POU3F3: variants seen among roughly 807,000 people sequenced by gnomAD.
POU3F3 encodes POU class 3 homeobox 3, also known as POU domain, class 3, transcription factor 3.
In POU3F3, 1 loss-of-function variant was observed where a neutral mutation model predicts 8.6. The observed-to-expected ratio is 0.12, with a 90% confidence interval of 0.04 to 0.55. The LOEUF is 0.55. Among genes scored for constraint, POU3F3 ranks in the 20% least tolerant of loss-of-function variants. The pLI, the probability that POU3F3 is intolerant of heterozygous loss-of-function variation, is 0.91. For missense variants in POU3F3, 577 were observed against 690.7 expected (o/e 0.84, Z 1.84); for synonymous variants, 418 against 327.4 (o/e 1.28, Z -2.99).
chr2:104,900,672 G>A, the POU3F3 span, among the ~76,000 whole-genome samples: 1 of 152,114 alleles, frequency 6.6e-6, no homozygotes, highest in South Asian at 2.1e-4. Context: ...ACATGTCAGG[G>A]GCACATATTA....
the POU3F3 span, among the ~76,000 whole-genome samples, chr2:104,881,035 C>G: frequency 6.6e-6 from 1 of 152,018 alleles, no homozygotes; most frequent in African/African-American, 2.4e-5. Flanking sequence ...GATTTTAGAC[C>G]CTTAGAGGGA....
chr2:104,927,542 C>A, the POU3F3 span, among the ~76,000 whole-genome samples: 2 of 151,948 alleles, frequency 1.3e-5, no homozygotes, highest in African/African-American at 4.8e-5. Flanking sequence ...ATTGCTTGAG[C>A]CAAAGAGTTC....
the POU3F3 span, among the ~76,000 whole-genome samples, chr2:104,877,049 T>TACACAC: frequency 4.6e-4 from 69 of 150,566 alleles, no homozygotes; most frequent in African/African-American, 5.1e-4. Flanking sequence ...GACTGTGGTA[T>TACACAC]ACACACACAC....
At chr2:104,853,426 T>C (rs566189749), upstream of POU3F3, 1 of 152,148 alleles carries the variant, frequency 6.6e-6, no homozygotes, top group African/African-American at 2.4e-5. Context: ...AAAGTTGCGG[T>C]GGCGGATTTC....
At chr2:104,879,430 T>C in the POU3F3 span, among the ~76,000 whole-genome samples, 2 of 152,056 alleles carry the variant, frequency 1.3e-5, no homozygotes, top group African/African-American at 2.4e-5. Flanking sequence ...GGAAGAAAGT[T>C]GGTTTTTTAT....
At chr2:104,919,920 T>C in the POU3F3 span, among the ~76,000 whole-genome samples, 2 of 152,174 alleles carry the variant, frequency 1.3e-5, no homozygotes, top group Non-Finnish European at 2.9e-5. Context: ...GGACTTTGGA[T>C]CACAAACTTA....
the POU3F3 span, among the ~76,000 whole-genome samples, chr2:104,915,859 G>A: frequency 0.017 from 2,627 of 152,086 alleles, 37 homozygotes; most frequent in Middle Eastern, 0.038. Context: ...TCACCCCTGA[G>A]GTATGGGTTC....
chr2:104,861,703 C>A (rs1676658297), downstream of POU3F3, among the ~76,000 whole-genome samples: 1 of 152,206 alleles, frequency 6.6e-6, no homozygotes, highest in South Asian at 2.1e-4. Flanking sequence ...AAGCAATCAG[C>A]ACAGGTGTTG....
the POU3F3 span, among the ~76,000 whole-genome samples, chr2:104,881,531 C>T: frequency 1.1e-3 from 164 of 152,178 alleles, no homozygotes; most frequent in Non-Finnish European, 2.1e-3. Flanking sequence ...TGTCCTCTCT[C>T]TTTCTCTTGC....
the POU3F3 span, chr2:104,872,275 A>G: frequency 2.2e-6 from 1 of 456,428 alleles, no homozygotes; most frequent in African/African-American, 2.0e-5. This position sits in a 1 kb window ranked among gnomAD's most constrained non-coding sequence, Gnocchi z 4.6. Context: ...CCACATACAG[A>G]CAGGAAACCG....
At chr2:104,913,645 T>G in the POU3F3 span, among the ~76,000 whole-genome samples, 2 of 152,312 alleles carry the variant, frequency 1.3e-5, no homozygotes, top group South Asian at 4.1e-4. Flanking sequence ...TGAATAAGGT[T>G]GGGTCACCAA....
chr2:104,904,189 A>G, the POU3F3 span, among the ~76,000 whole-genome samples: 1 of 152,220 alleles, frequency 6.6e-6, no homozygotes, highest in East Asian at 1.9e-4. Context: ...GTAGCACATT[A>G]AAGTGGCACT....
chr2:104,903,396 A>T, the POU3F3 span, among the ~76,000 whole-genome samples: 1 of 152,164 alleles, frequency 6.6e-6, no homozygotes, highest in Non-Finnish European at 1.5e-5. Flanking sequence ...GAGAATCTGA[A>T]TTATTTATCT....
At chr2:104,860,367 A>G (rs935402813), downstream of POU3F3, among the ~76,000 whole-genome samples, 1 of 152,238 alleles carries the variant, frequency 6.6e-6, no homozygotes, top group African/African-American at 2.4e-5. Flanking sequence ...GAGGGCAGAT[A>G]TAACTGAGAG....
At chr2:104,869,068 T>C in the POU3F3 span, among the ~76,000 whole-genome samples, 1 of 152,166 alleles carries the variant, frequency 6.6e-6, no homozygotes, top group African/African-American at 2.4e-5. Flanking sequence ...ACCTAGGGGT[T>C]CAAAAACCTC....
chr2:104,896,467 C>T, the POU3F3 span, among the ~76,000 whole-genome samples: 47,239 of 152,160 alleles, frequency 0.31, 7,752 homozygotes, highest in East Asian at 0.62. Context: ...CGAGATAACA[C>T]GGCATCTTTC....
chr2:104,888,698 C>A, the POU3F3 span, among the ~76,000 whole-genome samples: 1 of 152,084 alleles, frequency 6.6e-6, no homozygotes, highest in Non-Finnish European at 1.5e-5. Context: ...GCCACTCCTA[C>A]CCCACCCATC....
chr2:104,893,330 G>A, the POU3F3 span, among the ~76,000 whole-genome samples: 1 of 152,150 alleles, frequency 6.6e-6, no homozygotes, highest in Non-Finnish European at 1.5e-5. Flanking sequence ...GGGTCTGGAT[G>A]TCACCTTGAA....
At chr2:104,862,481 A>G (rs1676676540), downstream of POU3F3, among the ~76,000 whole-genome samples, 2 of 151,730 alleles carry the variant, frequency 1.3e-5, no homozygotes, top group African/African-American at 4.8e-5. Context: ...ACCCCGGATC[A>G]GAAGAGGCGG....
Sources: gnomAD v4.1 joint callset for allele counts (sites outside exome capture counted in the v4.1 genomes callset) on GRCh38, gnomAD v4.1.1 for gene constraint, Gnocchi (gnomAD v3.1) non-coding constraint, MANE v1.5 for transcripts, NCBI Gene and HGNC (gene_info 2026-07-23, HGNC 2026-07-21) for gene names.